Variants in PHLDB2 observed in about 807,000 individuals in gnomAD.
PHLDB2 encodes the protein pleckstrin homology-like domain family B member 2.
PHLDB2 carries 71 observed loss-of-function variants against 123.6 expected under a neutral mutation model. The observed-to-expected ratio is 0.57, with a 90% CI of 0.47 to 0.70. The LOEUF is 0.70. Ranked by LOEUF, PHLDB2 falls within the 30% of genes least tolerant of loss-of-function variation. The probability of loss-of-function intolerance (pLI) is 0.00; values close to 1 mark genes in which losing one functional copy is unlikely to be tolerated. For missense variants in PHLDB2, 1,446 were observed against 1,519.5 expected (o/e 0.95, Z 0.80); for synonymous variants, 547 against 541.6 (o/e 1.01, Z -0.14).
intron 2 of PHLDB2, among the ~76,000 whole-genome samples, chr3:111,907,833 G>A (rs967831165): frequency 6.6e-5 from 10 of 151,944 alleles, no homozygotes; most frequent in African/African-American, 1.2e-4. Flanking sequence ...GTCTCCCTCT[G>A]TCTCTCAGGC....
At chr3:111,857,542 G>A (rs1266974699), upstream of PHLDB2, among the ~76,000 whole-genome samples, 1 of 151,984 alleles carries the variant, frequency 6.6e-6, no homozygotes, top group African/African-American at 2.4e-5. Context: ...CAAAAAAGAG[G>A]AGGAAAGAGA....
chr3:111,918,157 A>AT, intron 3 of PHLDB2, among the ~76,000 whole-genome samples: 1 of 152,338 alleles, frequency 6.6e-6, no homozygotes. Context: ...AATTCACTCC[A>AT]TTCTCTTCTT....
chr3:111,800,356 T>C (rs9876163), intron 1 of PHLDB2, among the ~76,000 whole-genome samples: 18,038 of 152,250 alleles, frequency 0.12, 1,452 homozygotes, highest in Non-Finnish European at 0.17. Context: ...GGAAATTACA[T>C]GAAAAGAAAT....
chr3:111,787,724 G>A (rs2060749109), intron 1 of PHLDB2, among the ~76,000 whole-genome samples: 1 of 152,082 alleles, frequency 6.6e-6, no homozygotes, highest in African/African-American at 2.4e-5. Context: ...TGGGAGATAG[G>A]GGAGGCATTC....
chr3:111,743,720 T>C (rs1451011056), intron 1 of PHLDB2, among the ~76,000 whole-genome samples: 1 of 152,210 alleles, frequency 6.6e-6, no homozygotes, highest in Admixed American at 6.5e-5. Flanking sequence ...GCTCTCAACC[T>C]AGCCTGGCTG....
chr3:111,814,581 G>A (rs568857858), intron 1 of PHLDB2, among the ~76,000 whole-genome samples: 1 of 151,538 alleles, frequency 6.6e-6, no homozygotes, highest in East Asian at 1.9e-4. Flanking sequence ...ATGTCTGCAT[G>A]GTTCATGTAG....
chr3:111,945,925 C>T (rs2070273559), intron 9 of PHLDB2, among the ~76,000 whole-genome samples: 2 of 152,070 alleles, frequency 1.3e-5, no homozygotes, highest in African/African-American at 2.4e-5. Context: ...TTCCCCAGTC[C>T]CCATCACCAC....
At chr3:111,785,106 C>T (rs2060628775) in intron 1 of PHLDB2, among the ~76,000 whole-genome samples, 1 of 152,084 alleles carries the variant, frequency 6.6e-6, no homozygotes, top group African/African-American at 2.4e-5. Context: ...AAGTATTTGT[C>T]TGCATAGAAT....
At chr3:111,791,732 T>C (rs1040601433) in intron 1 of PHLDB2, among the ~76,000 whole-genome samples, 4 of 152,216 alleles carry the variant, frequency 2.6e-5, no homozygotes, top group African/African-American at 9.6e-5. Context: ...GTACATGTGA[T>C]ATTTTGATAC....
chr3:111,822,904 C>T (rs1291069809), intron 1 of PHLDB2, among the ~76,000 whole-genome samples: 1 of 152,084 alleles, frequency 6.6e-6, no homozygotes, highest in Non-Finnish European at 1.5e-5. Context: ...AAAATATGCA[C>T]ATAATTATAA....
At chr3:111,888,263 C>T (rs1443314782) in intron 2 of PHLDB2, among the ~76,000 whole-genome samples, 1 of 151,986 alleles carries the variant, frequency 6.6e-6, no homozygotes, top group Non-Finnish European at 1.5e-5. Context: ...TTATTTCTAG[C>T]CTCTTTCTTT....
intron 8 of PHLDB2, among the ~76,000 whole-genome samples, chr3:111,944,749 C>T (rs535683172): frequency 5.2e-4 from 79 of 152,172 alleles, no homozygotes; most frequent in African/African-American, 1.7e-3. Context: ...GGCGCGATCT[C>T]GGCTCACTGC....
chr3:111,852,433 C>A (rs2064299040), intron 2 of PHLDB2, among the ~76,000 whole-genome samples: 1 of 149,344 alleles, frequency 6.7e-6, no homozygotes. Context: ...GTATAATTAT[C>A]TTTATACATA....
At chr3:111,908,566 A>C (rs112634881) in intron 2 of PHLDB2, among the ~76,000 whole-genome samples, 2 of 152,282 alleles carry the variant, frequency 1.3e-5, no homozygotes, top group African/African-American at 4.8e-5. Context: ...CATGTGATGA[A>C]TTATGCCCTG....
chr3:111,735,140 C>A (rs949403545), intron 1 of PHLDB2, among the ~76,000 whole-genome samples: 2 of 152,184 alleles, frequency 1.3e-5, no homozygotes, highest in African/African-American at 4.8e-5. Context: ...CTATCCCAAT[C>A]TTTCTCAAGG....
At chr3:111,848,669 T>A (rs148133901) in intron 2 of PHLDB2, among the ~76,000 whole-genome samples, 4 of 152,330 alleles carry the variant, frequency 2.6e-5, no homozygotes, top group Non-Finnish European at 5.9e-5. Flanking sequence ...CACTGCATAA[T>A]GTTTCAATCA....
intron 1 of PHLDB2, among the ~76,000 whole-genome samples, chr3:111,874,219 T>G (rs2065485990): frequency 6.6e-6 from 1 of 152,204 alleles, no homozygotes; most frequent in Non-Finnish European, 1.5e-5. Context: ...TTCTTTATAC[T>G]GCAACCTCCT....
chr3:111,780,624 A>C (rs903352700), intron 1 of PHLDB2, among the ~76,000 whole-genome samples: 2 of 152,040 alleles, frequency 1.3e-5, no homozygotes, highest in Non-Finnish European at 2.9e-5. Context: ...AGACTAAGAC[A>C]GCATCTCAGA....
intron 10 of PHLDB2, chr3:111,949,673 C>T: frequency 1.1e-6 from 1 of 941,480 alleles, no homozygotes; most frequent in Non-Finnish European, 1.3e-6. Context: ...CATGTGGACA[C>T]ATATATACCT....
Sources: gnomAD v4.1 joint callset for allele counts (sites outside exome capture counted in the v4.1 genomes callset) on GRCh38, gnomAD v4.1.1 for gene constraint, MANE v1.5 for transcripts, NCBI Gene and HGNC (gene_info 2026-07-23, HGNC 2026-07-21) for gene names.